FHIT: variants seen among roughly 807,000 people sequenced by gnomAD.
FHIT encodes the protein bis(5'-adenosyl)-triphosphatase.
A neutral mutation model predicts 17.9 loss-of-function variants in FHIT; 19 were observed. The observed-to-expected ratio is 1.06, with a 90% CI of 0.74 to 1.56. FHIT has a LOEUF of 1.56. Among genes scored for constraint, FHIT ranks in the 40% most tolerant of loss-of-function variants. FHIT has a pLI of 0.00. For synonymous variants in FHIT, 81 were observed against 69.7 expected, an observed-to-expected ratio of 1.16 and a Z score of -0.81; for missense variants, 248 against 189.2, an observed-to-expected ratio of 1.31 and a Z score of -1.82.
intron 3 of FHIT, among the ~76,000 whole-genome samples, chr3:60,843,655 G>A (rs1702818195): frequency 1.4e-5 from 2 of 144,530 alleles, no homozygotes; most frequent in Admixed American, 1.4e-4. Flanking sequence ...TGATATCACA[G>A]GCTGCTTCTC....
chr3:60,586,859 G>A (rs1387516528), intron 4 of FHIT, among the ~76,000 whole-genome samples: 10 of 151,960 alleles, frequency 6.6e-5, no homozygotes, highest in African/African-American at 1.9e-4. Context: ...GAGGGTTGGA[G>A]GAGAAAGAGG....
At chr3:59,873,350 T>C (rs1164018659) in intron 8 of FHIT, among the ~76,000 whole-genome samples, 8 of 152,214 alleles carry the variant, frequency 5.3e-5, no homozygotes, top group African/African-American at 1.9e-4. Context: ...ACTATATGCC[T>C]GACATTGTGC....
intron 4 of FHIT, among the ~76,000 whole-genome samples, chr3:60,752,883 T>A (rs571186656): frequency 1.3e-5 from 2 of 152,324 alleles, no homozygotes; most frequent in Admixed American, 1.3e-4. Context: ...AACTGTATTA[T>A]GTCACTTTAG....
intron 8 of FHIT, among the ~76,000 whole-genome samples, chr3:59,835,549 G>GC (rs1701310971): frequency 6.6e-6 from 1 of 152,174 alleles, no homozygotes; most frequent in African/African-American, 2.4e-5. Flanking sequence ...TGTTCTAGGA[G>GC]TAGATGTGTC....
intron 5 of FHIT, among the ~76,000 whole-genome samples, chr3:60,166,296 A>T (rs1436725909): frequency 6.6e-6 from 1 of 152,184 alleles, no homozygotes; most frequent in Non-Finnish European, 1.5e-5. Context: ...GGAGTTATGC[A>T]TCCAAAGGGT....
In FHIT at chr3:60,479,025, C is replaced by CTGTAGAA. The variant is rs1030150116; in HGVS notation, c.103+57828_103+57834dup. On this transcript the variant is annotated intron_variant, in intron 5 of 9. Coordinates refer to ENST00000492590, the MANE Select transcript of FHIT (RefSeq NM_002012.4). The stretch of plus-strand genomic sequence containing the variant: ...TCTAAGGTTGCCCAGGACAGCAACA[C>CTGTAGAA]TGTAGAACATTCATGATGAAACTGT... Among the ~76,000 whole-genome samples the CTGTAGAA allele has an allele frequency of 2.6e-5, 4 of 152,270 alleles. No individual in the cohort carries two copies. In the Middle Eastern group the frequency reaches 0.01, roughly 388 times the overall value.
chr3:61,222,213 G>C (rs988203701), intron 1 of FHIT, among the ~76,000 whole-genome samples: 1 of 152,168 alleles, frequency 6.6e-6, no homozygotes, highest in Non-Finnish European at 1.5e-5. Flanking sequence ...TTCATGGCTG[G>C]CATAATCACA....
chr3:60,911,577 C>A (rs1237476338), intron 3 of FHIT, among the ~76,000 whole-genome samples: 1 of 152,208 alleles, frequency 6.6e-6, no homozygotes, highest in Non-Finnish European at 1.5e-5. Flanking sequence ...CTGGTTGTGG[C>A]CCCACCAAGC....
chr3:60,090,490 G>A (rs991710490), intron 5 of FHIT, among the ~76,000 whole-genome samples: 10 of 152,108 alleles, frequency 6.6e-5, no homozygotes, highest in South Asian at 2.1e-4. Flanking sequence ...TTTTCTTTAC[G>A]TGATTGATGG....
chr3:60,840,147 T>G (rs1275472363), intron 3 of FHIT, among the ~76,000 whole-genome samples: 1 of 152,034 alleles, frequency 6.6e-6, no homozygotes, highest in Non-Finnish European at 1.5e-5. Flanking sequence ...AGCATGAAAG[T>G]GGCCCATCAG....
chr3:60,293,002 C>T (rs1708056370), intron 5 of FHIT, among the ~76,000 whole-genome samples: 1 of 152,112 alleles, frequency 6.6e-6, no homozygotes, highest in Non-Finnish European at 1.5e-5. Flanking sequence ...AACACTAAAT[C>T]AAACTGATAT....
chr3:60,494,366 A>G (rs555870747), intron 5 of FHIT, among the ~76,000 whole-genome samples: 1 of 152,300 alleles, frequency 6.6e-6, no homozygotes, highest in Non-Finnish European at 1.5e-5. Context: ...GTATATATTT[A>G]TGGGGTACAT....
chr3:59,864,768 G>A (rs1448089090), intron 8 of FHIT, among the ~76,000 whole-genome samples: 1 of 151,700 alleles, frequency 6.6e-6, no homozygotes, highest in Admixed American at 6.6e-5. Context: ...GAAGGAAGAG[G>A]GGGCATTCAG....
At chr3:60,267,317 T>TAC (rs5849347) in intron 5 of FHIT, among the ~76,000 whole-genome samples, 13,599 of 151,624 alleles carry the variant, frequency 0.09, 750 homozygotes, top group Non-Finnish European at 0.13. Flanking sequence ...AGGTCACATA[T>TAC]ACACACACAC....
At chr3:60,416,617 T>C (rs1702256547) in intron 5 of FHIT, among the ~76,000 whole-genome samples, 1 of 152,090 alleles carries the variant, frequency 6.6e-6, no homozygotes, top group African/African-American at 2.4e-5. Flanking sequence ...CATATCGTGA[T>C]TTTTTTTCAA....
At chr3:61,208,960 G>C (rs1467182741) in intron 1 of FHIT, among the ~76,000 whole-genome samples, 1 of 152,010 alleles carries the variant, frequency 6.6e-6, no homozygotes, top group African/African-American at 2.4e-5. Flanking sequence ...GGTACTGGTT[G>C]TTCCTTTCCA....
At chr3:60,859,059 G>A (rs1245295046) in intron 3 of FHIT, among the ~76,000 whole-genome samples, 1 of 152,120 alleles carries the variant, frequency 6.6e-6, no homozygotes, top group African/African-American at 2.4e-5. Context: ...TTGTTTTAGC[G>A]GCTCTGGAAG....
chr3:59,770,929 G>A (rs1185247608), intron 8 of FHIT, among the ~76,000 whole-genome samples: 1 of 152,200 alleles, frequency 6.6e-6, no homozygotes, highest in East Asian at 1.9e-4. Context: ...CCCAGAAGTG[G>A]ATGAAGCACT....
intron 5 of FHIT, among the ~76,000 whole-genome samples, chr3:60,177,327 A>G (rs1055118725): frequency 7.9e-5 from 12 of 152,136 alleles, no homozygotes; most frequent in African/African-American, 2.9e-4. Context: ...TCAGTTACTT[A>G]ATCCAGAAAA....
Sources: allele counts gnomAD v4.1 joint callset (sites outside exome capture counted in the v4.1 genomes callset), GRCh38; gene constraint gnomAD v4.1.1; transcripts MANE v1.5; gene names NCBI Gene and HGNC (gene_info 2026-07-23, HGNC 2026-07-21).